TAFA2: variants seen among roughly 807,000 people sequenced by gnomAD.
The protein encoded by TAFA2 is chemokine-like protein TAFA-2.
TAFA2 carries 7 observed loss-of-function variants against 18.8 expected under a neutral mutation model. The observed-to-expected ratio is 0.37, with a 90% CI of 0.21 to 0.70. The LOEUF (loss-of-function observed/expected upper bound fraction) is 0.70. Among genes scored for constraint, TAFA2 ranks in the 30% least tolerant of loss-of-function variants. The probability of loss-of-function intolerance (pLI) is 0.53; values close to 1 mark genes in which losing one functional copy is unlikely to be tolerated. For synonymous variants in TAFA2, 60 were observed against 54.2 expected, an observed-to-expected ratio of 1.11 and a Z score of -0.47; for missense variants, 122 against 158.1, an observed-to-expected ratio of 0.77 and a Z score of 1.23.
intron 1 of TAFA2, among the ~76,000 whole-genome samples, chr12:61,927,842 T>C (rs993361949): frequency 6.6e-6 from 1 of 152,114 alleles, no homozygotes; most frequent in African/African-American, 2.4e-5. Context: ...AACAGAGGCC[T>C]CAGAAATAAC....
intron 1 of TAFA2, among the ~76,000 whole-genome samples, chr12:61,951,117 T>C (rs1484937586): frequency 6.6e-6 from 1 of 152,078 alleles, no homozygotes; most frequent in Non-Finnish European, 1.5e-5. Context: ...AAAGACTCAC[T>C]GAGAAGTGAG....
chr12:61,780,243 C>T (rs907024661), intron 2 of TAFA2, among the ~76,000 whole-genome samples: 1 of 151,694 alleles, frequency 6.6e-6, no homozygotes, highest in Non-Finnish European at 1.5e-5. Flanking sequence ...ATATCACATG[C>T]GGAAGAAACT....
chr12:61,775,534 A>G (rs1870220587), intron 2 of TAFA2, among the ~76,000 whole-genome samples: 1 of 151,950 alleles, frequency 6.6e-6, no homozygotes, highest in South Asian at 2.1e-4. Context: ...AAGTGAAAGA[A>G]GCCCAATCTG....
chr12:62,174,120 C>T (rs560511234), intron 1 of TAFA2, among the ~76,000 whole-genome samples: 55 of 152,234 alleles, frequency 3.6e-4, no homozygotes, highest in African/African-American at 1.1e-3. Context: ...AGTGAAACTC[C>T]GTCACTACCA....
rs527559217 is a variant in TAFA2, at chr12:62,113,867, G to A, written c.-2+77392C>T. Among the ~76,000 whole-genome samples, 5 of 152,290 alleles carry A rather than the reference G, an allele frequency of 3.3e-5. No homozygotes were observed. The East Asian group carries it at 5.8e-4, about 18-fold the overall frequency. On this transcript the variant is annotated intron_variant, in intron 1 of 4. Coordinates refer to ENST00000416284, the MANE Select transcript of TAFA2 (RefSeq NM_178539.5). The stretch of plus-strand genomic sequence containing the variant: ...CCAACCAAGCTCGAGCATCCAGGTC[G>A]ACTTCAGACTGCTGTACTGGCAGTA...
chr12:61,865,984 T>G (rs1439810238), intron 2 of TAFA2, among the ~76,000 whole-genome samples: 2 of 152,214 alleles, frequency 1.3e-5, no homozygotes, highest in African/African-American at 4.8e-5. Flanking sequence ...TACTTCGTTC[T>G]TTGGTCTTGT....
In TAFA2 at chr12:62,191,043, C is replaced by T. The variant is rs180828536; in HGVS notation, c.-2+216G>A. On this transcript the variant is annotated intron_variant, in intron 1 of 4. Transcript: ENST00000416284. ...ATCCCCTCTCGGCGTCCCTCTACTC[C>T]GCCCCTACCCTGACCGCCCGCGAGG... 2.0e-5 allele frequency among the ~76,000 whole-genome samples: 3 copies of T among 152,280 alleles called. 1 individual carries two copies. The highest frequency in any genetic ancestry group is 2.1e-4 in the South Asian group (1 of 4,824).
intron 1 of TAFA2, among the ~76,000 whole-genome samples, chr12:61,871,446 A>C (rs1347876903): frequency 6.6e-6 from 1 of 152,236 alleles, no homozygotes; most frequent in Non-Finnish European, 1.5e-5. Flanking sequence ...AAAAAGAAAA[A>C]AGAACTGCCA....
chr12:62,184,547 T>A (rs1215172873), intron 1 of TAFA2, among the ~76,000 whole-genome samples: 1 of 123,978 alleles, frequency 8.1e-6, no homozygotes, highest in African/African-American at 3.1e-5. Context: ...CAGGCTAGAG[T>A]GCATGGTGTG....
At chr12:61,971,317 G>A (rs1030656452) in intron 1 of TAFA2, among the ~76,000 whole-genome samples, 2 of 151,622 alleles carry the variant, frequency 1.3e-5, no homozygotes, top group African/African-American at 4.8e-5. Context: ...CTTATGGTAA[G>A]AGAACTTAAT....
At chr12:62,110,519 T>A (rs1363940715) in intron 1 of TAFA2, among the ~76,000 whole-genome samples, 1 of 152,114 alleles carries the variant, frequency 6.6e-6, no homozygotes, top group Non-Finnish European at 1.5e-5. Flanking sequence ...GACTCCCTCT[T>A]TTTCTATTGT....
chr12:62,033,424 T>C (rs939631190), intron 1 of TAFA2, among the ~76,000 whole-genome samples: 4 of 152,134 alleles, frequency 2.6e-5, no homozygotes, highest in African/African-American at 9.7e-5. Context: ...TTTTTGTAAT[T>C]GCACATTTTT....
chr12:61,947,294 C>G (rs1878306384), intron 1 of TAFA2, among the ~76,000 whole-genome samples: 1 of 131,258 alleles, frequency 7.6e-6, no homozygotes, highest in Non-Finnish European at 1.6e-5. Context: ...ATATCACACT[C>G]TGGGGACTGT....
At chr12:61,902,721 C>T (rs993806478) in intron 1 of TAFA2, among the ~76,000 whole-genome samples, 2 of 152,182 alleles carry the variant, frequency 1.3e-5, no homozygotes, top group African/African-American at 4.8e-5. Context: ...TTTCTCCAGC[C>T]TTGATATCCT....
intron 1 of TAFA2, among the ~76,000 whole-genome samples, chr12:62,132,047 A>C (rs1245438): frequency 0.48 from 71,972 of 150,416 alleles, 17,516 homozygotes; most frequent in African/African-American, 0.52. Flanking sequence ...CAAGTGAGAG[A>C]TGCCTACACA....
At chr12:61,796,354 A>G (rs1438273850) in intron 2 of TAFA2, among the ~76,000 whole-genome samples, 1 of 152,168 alleles carries the variant, frequency 6.6e-6, no homozygotes, top group Non-Finnish European at 1.5e-5. Flanking sequence ...ATGAAAATGA[A>G]CTATTTATAT....
intron 1 of TAFA2, among the ~76,000 whole-genome samples, chr12:62,098,138 T>C (rs934707465): frequency 1.3e-5 from 2 of 152,300 alleles, no homozygotes; most frequent in Admixed American, 6.5e-5. Flanking sequence ...GGTCCTTAAC[T>C]TGACATCTAT....
At chr12:62,186,731 A>C (rs1445712794) in intron 1 of TAFA2, among the ~76,000 whole-genome samples, 1 of 152,182 alleles carries the variant, frequency 6.6e-6, no homozygotes, top group Admixed American at 6.5e-5. Flanking sequence ...ACTTTATCTA[A>C]TATAAACATA....
At chr12:61,731,716 C>T (rs1208109971) in intron 4 of TAFA2, among the ~76,000 whole-genome samples, 1 of 151,964 alleles carries the variant, frequency 6.6e-6, no homozygotes, top group Non-Finnish European at 1.5e-5. Flanking sequence ...GTCTTTGTTA[C>T]TAATTATCAT....
Sources: gnomAD v4.1 joint callset for allele counts (sites outside exome capture counted in the v4.1 genomes callset) on GRCh38, gnomAD v4.1.1 for gene constraint, MANE v1.5 for transcripts, NCBI Gene and HGNC (gene_info 2026-07-23, HGNC 2026-07-21) for gene names.